LMBR1: variants seen among roughly 807,000 people sequenced by gnomAD.
LMBR1 encodes the protein limb region 1 protein homolog.
A neutral mutation model predicts 73.9 loss-of-function variants in LMBR1; 52 were observed. The observed-to-expected ratio is 0.70, with a 90% CI of 0.56 to 0.89. The LOEUF is 0.89. Among genes scored for constraint, LMBR1 ranks in the 40% least tolerant of loss-of-function variants. The probability of loss-of-function intolerance (pLI) is 0.00; values close to 1 mark genes in which losing one functional copy is unlikely to be tolerated. For synonymous variants in LMBR1, 215 were observed against 209.4 expected (o/e 1.03, Z -0.23); for missense variants, 539 against 579.8 (o/e 0.93, Z 0.72).
At position 156,670,017 on chromosome 7, in the gene LMBR1, TC is replaced by T. The variant is rs560097660; in HGVS notation, n.867-731del. ...TGTATGTACTTCTGTGGCCTCTCTC[TC>T]CAGTGGTCATGTAGTTTTTTTTATT... is the stretch of plus-strand genomic sequence containing the variant. On this transcript the variant is annotated intron_variant and non_coding_transcript_variant, in intron 4 of 4. Coordinates refer to the LMBR1 transcript ENST00000430825. This position sits in a 1 kb window ranked among gnomAD's most constrained non-coding sequence, Gnocchi z 4.3. Among the ~76,000 whole-genome samples the T allele has an allele frequency of 6.6e-5, 10 of 152,360 alleles. No homozygotes were observed. The South Asian group carries it at 2.1e-3, about 32-fold the overall frequency.
chr7:156,792,668 C>T (rs188506160), intron 5 of LMBR1, among the ~76,000 whole-genome samples: 1 of 152,306 alleles, frequency 6.6e-6, no homozygotes, highest in East Asian at 1.9e-4. Context: ...CCTAATATGT[C>T]CTGTTTGAAT....
At chr7:156,672,541 T>C (rs1802784268) in intron 4 of LMBR1, among the ~76,000 whole-genome samples, 1 of 152,202 alleles carries the variant, frequency 6.6e-6, no homozygotes, top group African/African-American at 2.4e-5. Context: ...TGAAGGAAAA[T>C]GTACTTTAAA....
chr7:156,676,314 T>G, downstream of LMBR1: 1 of 1,611,530 alleles, frequency 6.2e-7, no homozygotes, highest in East Asian at 2.2e-5. Context: ...TCCGCATGTT[T>G]CGAAGACCCA....
intron 9 of LMBR1, among the ~76,000 whole-genome samples, chr7:156,751,253 G>C (rs1820821654): frequency 1.3e-5 from 2 of 152,164 alleles, no homozygotes; most frequent in Admixed American, 6.5e-5. Flanking sequence ...GTAGAGCAGA[G>C]GTAGGGCTTA....
In LMBR1 at chr7:156,742,088, T is replaced by C. The variant is rs377735456; in HGVS notation, c.758-7831A>G. Among the ~76,000 whole-genome samples the C allele has an allele frequency of 4.6e-5, 7 of 152,144 alleles. 1 individual carries two copies. Among genetic ancestry groups the C allele is most frequent in the South Asian group, 2.1e-4 (1 of 4,810 alleles). The stretch of plus-strand genomic sequence containing the variant: ...ATTAAGGGGTAAATTGAAAACTTTA[T>C]TGAAACAAATGATAATGGAAGCACA... On this transcript the variant is annotated intron_variant, in intron 9 of 16. Coordinates refer to ENST00000353442, the MANE Select transcript of LMBR1 (RefSeq NM_022458.4).
chr7:156,882,475 A>G (rs1280246536), intron 1 of LMBR1, among the ~76,000 whole-genome samples: 1 of 152,180 alleles, frequency 6.6e-6, no homozygotes, highest in Non-Finnish European at 1.5e-5. Context: ...AACATAGATG[A>G]ATCTTGAGGA....
intron 4 of LMBR1, 28 bp downstream of exon 4, chr7:156,826,577 G>T: frequency 7.6e-7 from 1 of 1,308,902 alleles, no homozygotes; most frequent in South Asian, 2.0e-5. Context: ...AATATTAATT[G>T]TGATTATATT....
chr7:156,858,631 T>C (rs181959676), intron 1 of LMBR1, among the ~76,000 whole-genome samples: 1 of 152,048 alleles, frequency 6.6e-6, no homozygotes, highest in Admixed American at 6.6e-5. Context: ...CAGACAAATC[T>C]CTCTCATGAG....
chr7:156,818,812 T>C lies in LMBR1; in HGVS notation c.319+7793A>G, dbSNP rs368396328. Among the ~76,000 whole-genome samples the C allele has an allele frequency of 7.9e-5, 12 of 152,240 alleles. No individual in the cohort carries two copies. The East Asian group carries it at 1.3e-3, about 17-fold the overall frequency. On this transcript the variant is annotated intron_variant, in intron 4 of 16. Coordinates refer to ENST00000353442, the MANE Select transcript of LMBR1 (RefSeq NM_022458.4). ...CAGTACACAAGATATAGAAAATGTA[T>C]AGAAGTGGATACTTTATTTTTTCGG...
chr7:156,821,351 AG>A (rs1185451676), intron 4 of LMBR1, among the ~76,000 whole-genome samples: 2 of 152,212 alleles, frequency 1.3e-5, no homozygotes. Context: ...CCTGGTTTAC[AG>A]ATGGTTCTGC....
Position 156,728,690 on chromosome 7 carries a change from C to A in LMBR1, c.869G>T (p.Arg290Ile). The A allele has an allele frequency of 6.2e-7, 1 of 1,603,454 alleles. No homozygotes were observed. ...CATAACAGCGGGATACACCAAATTT[C>A]TTTCCCATGCTGAAGCCTTTTTTCG... is the stretch of plus-strand genomic sequence containing the variant. ...ERRKKASAWE[R>I]NLVYPAVMVL... The change falls in exon 11 of 17, where the codon AGA (arginine) becomes ATA (isoleucine). Residue 290 changes from arginine (R) to isoleucine (I), a missense_variant. By Grantham distance (97) the Arg-to-Ile change is moderately conservative. Coordinates refer to ENST00000353442, the MANE Select transcript of LMBR1 (RefSeq NM_022458.4).
intron 4 of LMBR1, among the ~76,000 whole-genome samples, chr7:156,818,925 A>C (rs151030650): frequency 6.6e-6 from 1 of 152,292 alleles, no homozygotes; most frequent in African/African-American, 2.4e-5. Flanking sequence ...ATCCTACAAC[A>C]AACTACAGTT....
intron 4 of LMBR1, among the ~76,000 whole-genome samples, chr7:156,811,587 C>T (rs1395596349): frequency 1.3e-5 from 2 of 150,908 alleles, no homozygotes; most frequent in African/African-American, 4.9e-5. Flanking sequence ...CCAGCCTGGG[C>T]GACAGAGTCA....
chr7:156,784,541 C>T (rs989050275), intron 5 of LMBR1, among the ~76,000 whole-genome samples: 1 of 152,338 alleles, frequency 6.6e-6, no homozygotes, highest in African/African-American at 2.4e-5. Flanking sequence ...CTGCTTCTGT[C>T]TGTCCCTTAT....
chr7:156,707,203 C>T lies in LMBR1; in HGVS notation c.1225+16909G>A, dbSNP rs118170820. On this transcript the variant is annotated intron_variant, in intron 15 of 16. Transcript: ENST00000353442. ...TTGAACCGGGAAGAAATAAAAAACCCGAGCAGGCCAATGATGAGTAGCAAG... is the reference window on the plus strand; with the variant it reads ...TTGAACCGGGAAGAAATAAAAAACCTGAGCAGGCCAATGATGAGTAGCAAG... Among the ~76,000 whole-genome samples the T allele has an allele frequency of 9.2e-3, 1,393 of 152,100 alleles. 14 individuals carry two copies. The highest frequency in any genetic ancestry group is 0.031 in the Middle Eastern group (9 of 294).
intron 1 of LMBR1, among the ~76,000 whole-genome samples, chr7:156,839,103 G>A (rs1255953249): frequency 1.5e-5 from 2 of 137,146 alleles, no homozygotes; most frequent in East Asian, 4.5e-4. Context: ...AGACTGGAGT[G>A]CAATGGCGCG....
chr7:156,734,514 C>G (rs1426200251), intron 9 of LMBR1, among the ~76,000 whole-genome samples: 1 of 152,002 alleles, frequency 6.6e-6, no homozygotes, highest in Non-Finnish European at 1.5e-5. Context: ...GGGATGGAGG[C>G]AAGGGATAAA....
chr7:156,777,227 G>A (rs975350266), intron 5 of LMBR1, among the ~76,000 whole-genome samples: 1 of 152,100 alleles, frequency 6.6e-6, no homozygotes, highest in Non-Finnish European at 1.5e-5. Context: ...CAGTCACCAC[G>A]CCTGGCCTTT....
intron 8 of LMBR1, among the ~76,000 whole-genome samples, chr7:156,756,790 G>A (rs1821968049): frequency 6.6e-6 from 1 of 151,918 alleles, no homozygotes; most frequent in Non-Finnish European, 1.5e-5. Flanking sequence ...CTGAGATGTG[G>A]GCTACATGTA....
Sources: gnomAD v4.1 joint callset for allele counts (sites outside exome capture counted in the v4.1 genomes callset) on GRCh38, gnomAD v4.1.1 for gene constraint, Gnocchi (gnomAD v3.1) non-coding constraint, MANE v1.5 for transcripts, NCBI Gene and HGNC (gene_info 2026-07-23, HGNC 2026-07-21) for gene names.